The following KLHDC8A variants were observed in gnomAD, a reference collection of about 807,000 sequenced individuals.
The protein encoded by KLHDC8A is kelch domain containing 8A, also known as kelch domain-containing protein 8A.
In KLHDC8A, 21 loss-of-function variants were observed where a neutral mutation model predicts 33.1. The ratio of observed to expected loss-of-function variants is 0.64; its 90% CI spans 0.45 to 0.91. The LOEUF is 0.91. Among genes scored for constraint, KLHDC8A ranks in the 40% least tolerant of loss-of-function variants. The pLI is 0.00. For missense variants in KLHDC8A, 435 were observed against 483.3 expected, an observed-to-expected ratio of 0.90 and a Z score of 0.94; for synonymous variants, 173 against 193.5, an observed-to-expected ratio of 0.89 and a Z score of 0.88.
intron 1 of KLHDC8A, among the ~76,000 whole-genome samples, chr1:205,344,950 T>C (rs1662906307): frequency 6.6e-6 from 1 of 152,108 alleles, no homozygotes; most frequent in African/African-American, 2.4e-5. Context: ...CTTCACGAGC[T>C]TCAGGAAGGG....
rs1558683993 is a variant in KLHDC8A, at chr1:205,339,321, A to T, written c.630T>A (p.Tyr210Ter). 1.9e-6 allele frequency: 3 copies of T among 1,614,202 alleles called. No homozygotes were observed. Among genetic ancestry groups the T allele is most frequent in the Non-Finnish European group, 1.7e-6 (2 of 1,180,016 alleles). Residue 210 changes from tyrosine to a stop codon, truncating the protein, a stop_gained, in exon 4 of 6, where the codon TAT (tyrosine) becomes TAA (stop). Transcript: ENST00000367155. LOFTEE classifies it high-confidence loss of function. This position sits in a 1 kb window ranked among gnomAD's most constrained non-coding sequence, Gnocchi z 5.1. ...RSWTKFPNIP[Y>*]KRAFSSFVTL... ...TCACAAAGCTGGAGAAGGCCCGCTT[A>T]TAGGGAATGTTGGGAAACTTGGTCC...
chr1:205,352,376 T>TACACAC (rs112930388), intron 1 of KLHDC8A, among the ~76,000 whole-genome samples: 1 of 150,484 alleles, frequency 6.6e-6, no homozygotes, highest in African/African-American at 2.4e-5. Flanking sequence ...CACTTTACAT[T>TACACAC]ACACACACAC....
rs1230964821 is a variant in KLHDC8A at position 205,339,416 on chromosome 1, G to A, written c.542-7C>T. 2 of 1,611,868 alleles carry A rather than the reference G, an allele frequency of 1.2e-6. No homozygotes were observed. The highest frequency in any genetic ancestry group is 1.7e-5 in the Admixed American group (1 of 59,768). On this transcript the variant is annotated splice_region_variant and splice_polypyrimidine_tract_variant and intron_variant, in intron 3 of 5. Coordinates refer to ENST00000367155, the MANE Select transcript of KLHDC8A (RefSeq NM_018203.3). This position sits in a 1 kb window ranked among gnomAD's most constrained non-coding sequence, Gnocchi z 5.1. ...TACTTGGACTGTCGTCCCCCTGGGG[G>A]CCAGAGCAGGATAGAGGTTGGGCAG...
chr1:205,339,868 A>G lies in KLHDC8A; in HGVS notation c.377-60T>C. On this transcript the variant is annotated intron_variant, in intron 2 of 5. Transcript: ENST00000367155. This position sits in a 1 kb window ranked among gnomAD's most constrained non-coding sequence, Gnocchi z 5.1. ...CTCACAGGTACAGCAAGACAGGCCCACCAGCATCTATTGCCTCCCATGGCC... is the reference window on the plus strand; with the variant it reads ...CTCACAGGTACAGCAAGACAGGCCCGCCAGCATCTATTGCCTCCCATGGCC... 5 of 1,529,040 alleles carry G rather than the reference A, an allele frequency of 3.3e-6. No individual in the cohort carries two copies. The highest frequency in any genetic ancestry group is 8.9e-7 in the Non-Finnish European group (1 of 1,121,918). The allele number at this position is 1,529,040 out of a possible 1,614,324, so 94.7% of individuals were successfully genotyped here.
intron 1 of KLHDC8A, among the ~76,000 whole-genome samples, chr1:205,347,580 G>T (rs1011535541): frequency 2.0e-5 from 3 of 152,050 alleles, no homozygotes. Flanking sequence ...AATTATCTGA[G>T]CTTCGTGGCA....
At chr1:205,355,233 C>A (rs1172358878) in intron 1 of KLHDC8A, among the ~76,000 whole-genome samples, 1 of 152,216 alleles carries the variant, frequency 6.6e-6, no homozygotes, top group African/African-American at 2.4e-5. Context: ...AGGCTTAATG[C>A]CTGGGCTCCA....
chr1:205,347,243 G>T (rs374875604), intron 1 of KLHDC8A, among the ~76,000 whole-genome samples: 1 of 152,172 alleles, frequency 6.6e-6, no homozygotes, highest in African/African-American at 2.4e-5. Flanking sequence ...CACCAAGATG[G>T]GGCCTTAAGG....
chr1:205,351,237 A>G (rs567580991), intron 1 of KLHDC8A: 24 of 804,110 alleles, frequency 3.0e-5, no homozygotes, highest in South Asian at 2.9e-4. Context: ...GAGCCCGCGG[A>G]GTATACACCA....
chr1:205,337,614 G>C, intron 5 of KLHDC8A, 22 bp from the exon 6 acceptor site: 1 of 1,584,050 alleles, frequency 6.3e-7, no homozygotes, highest in Non-Finnish European at 8.6e-7. Context: ...AAGGGAATCA[G>C]ACCTTACAAA....
At chr1:205,354,778 A>G (rs1043809658) in intron 1 of KLHDC8A, among the ~76,000 whole-genome samples, 1 of 152,252 alleles carries the variant, frequency 6.6e-6, no homozygotes, top group South Asian at 2.1e-4. Flanking sequence ...TGAATGAATG[A>G]ATGGATGAAT....
intron 1 of KLHDC8A, among the ~76,000 whole-genome samples, chr1:205,349,307 A>G (rs1024234593): frequency 2.6e-5 from 4 of 152,206 alleles, no homozygotes; most frequent in African/African-American, 9.6e-5. Flanking sequence ...TGAATCAGCC[A>G]CATTCCTTCA....
chr1:205,350,776 C>G (rs926200041), intron 1 of KLHDC8A, among the ~76,000 whole-genome samples: 2 of 149,362 alleles, frequency 1.3e-5, no homozygotes, highest in Non-Finnish European at 3.0e-5. Context: ...ATGGGCCAGC[C>G]TGCCTATCAT....
chr1:205,338,540 C>T lies in KLHDC8A; in HGVS notation c.814G>A (p.Val272Met). ...FFLKKRRADF[V>M]AGSLSGRVIV... ...ACCCGTCCACTCAGAGAGCCAGCCA[C>T]AAAATCTGCCCGCCGCTTCTTGAGG... The change falls in exon 5 of 6, where the codon GTG becomes ATG. Residue 272 changes from valine (V) to methionine (M), a missense_variant. Transcript: ENST00000367155. 2 of 1,614,182 alleles carry T rather than the reference C, an allele frequency of 1.2e-6. No individual in the cohort carries two copies. The highest frequency in any genetic ancestry group is 1.7e-6 in the Non-Finnish European group (2 of 1,180,038).
At chr1:205,350,934 C>T (rs1358435508) in intron 1 of KLHDC8A, among the ~76,000 whole-genome samples, 2 of 152,342 alleles carry the variant, frequency 1.3e-5, no homozygotes, top group Non-Finnish European at 2.9e-5. Flanking sequence ...GCCACAGACC[C>T]ACAGTCCAGC....
At chr1:205,340,492 CT>C (rs1011274744) in intron 2 of KLHDC8A, among the ~76,000 whole-genome samples, 3 of 148,386 alleles carry the variant, frequency 2.0e-5, no homozygotes, top group Non-Finnish European at 3.0e-5. Context: ...GAGAGGTATT[CT>C]TTTTTTTTTG....
intron 1 of KLHDC8A, chr1:205,344,119 C>G (rs1662877653): frequency 6.6e-6 from 1 of 152,446 alleles, no homozygotes; most frequent in Non-Finnish European, 1.5e-5. Context: ...GCGCCCCCGC[C>G]CCCGCATCAC....
intron 2 of KLHDC8A, among the ~76,000 whole-genome samples, chr1:205,340,742 T>G (rs574469363): frequency 3.9e-5 from 6 of 152,322 alleles, no homozygotes; most frequent in African/African-American, 1.4e-4. Context: ...CCCAAAGTGT[T>G]GAGAATACAG....
At chr1:205,349,215 T>C (rs1663027864) in intron 1 of KLHDC8A, among the ~76,000 whole-genome samples, 1 of 152,214 alleles carries the variant, frequency 6.6e-6, no homozygotes, top group Admixed American at 6.5e-5. Context: ...ACTGCTGCCT[T>C]GCAGGTGGAG....
intron 1 of KLHDC8A, chr1:205,351,546 T>A: frequency 1.4e-6 from 1 of 696,322 alleles, no homozygotes; most frequent in East Asian, 2.6e-5. Flanking sequence ...GATGTAAAAA[T>A]TAGGTCATGT....
Sources: gnomAD v4.1 joint callset for allele counts (sites outside exome capture counted in the v4.1 genomes callset) on GRCh38, gnomAD v4.1.1 for gene constraint, Gnocchi (gnomAD v3.1) non-coding constraint, MANE v1.5 for transcripts, NCBI Gene and HGNC (gene_info 2026-07-23, HGNC 2026-07-21) for gene names.